Variants in NEURL4 observed in about 807,000 individuals in gnomAD.
NEURL4 encodes neuralized E3 ubiquitin protein ligase 4.
In NEURL4, 45 loss-of-function variants were observed where a neutral mutation model predicts 148.0. The observed-to-expected ratio is 0.30, with a 90% CI of 0.24 to 0.39. The LOEUF is 0.39. Among genes scored for constraint, NEURL4 ranks in the 10% least tolerant of loss-of-function variants. The probability of loss-of-function intolerance (pLI) is 1.00; values close to 1 mark genes in which losing one functional copy is unlikely to be tolerated. For synonymous variants in NEURL4, 854 were observed against 869.0 expected (o/e 0.98, Z 0.30); for missense variants, 1,776 against 2,144.0 (o/e 0.83, Z 3.39).
chr17:7,327,923 A>AC lies in NEURL4; in HGVS notation c.283-40dup, dbSNP rs1567623812. The AC allele has an allele frequency of 1.4e-6, 2 of 1,468,180 alleles. No homozygotes were observed. Among genetic ancestry groups the AC allele is most frequent in the African/African-American group, 1.4e-5 (1 of 71,378 alleles). 90.9% of individuals were successfully genotyped at this position (1,468,180 alleles called of 1,614,324 possible). On this transcript the variant is annotated intron_variant, in intron 1 of 28. Coordinates refer to ENST00000399464, the MANE Select transcript of NEURL4 (RefSeq NM_032442.3). The surrounding 1 kb of genome is among the most constrained non-coding windows in gnomAD (Gnocchi z 6.6). ...ATTGGACAGAGGCTTAGAATGGGCC[A>AC]CCCCCCATTCCACAGGCCACCATAT... is the stretch of plus-strand genomic sequence containing the variant.
At chr17:7,323,161 C>T (rs530137279) in intron 14 of NEURL4, 38 bp from the exon 15 acceptor site, 10 of 1,595,060 alleles carry the variant, frequency 6.3e-6, no homozygotes, top group Middle Eastern at 1.7e-4. Flanking sequence ...AGCCTGCCAA[C>T]TTCAACTTCA....
chr17:7,323,063 A>G lies in NEURL4; in HGVS notation c.2478T>C (p.Asp826=), dbSNP rs1296827405. ...TMRNNYGCDL[D]ALGTGARIGM... ...CAATGCGTGCACCTGTGCCCAGCGC[A>G]TCCAGGTCACACCCATAATTGTTGC... The change falls in exon 15 of 29, where the codon GAT becomes GAC. Residue 826 remains aspartate (D), a synonymous_variant. Coordinates refer to ENST00000399464, the MANE Select transcript of NEURL4 (RefSeq NM_032442.3). The G allele has an allele frequency of 6.2e-7, 1 of 1,613,676 alleles. No individual in the cohort carries two copies. The highest frequency in any genetic ancestry group is 2.2e-5 in the East Asian group (1 of 44,902).
chr17:7,323,030 C>T lies in NEURL4; in HGVS notation c.2511G>A (p.Met837Ile). 6.2e-7 allele frequency: 1 copy of T among 1,613,750 alleles called. No homozygotes were observed. The highest frequency in any genetic ancestry group is 8.5e-7 in the Non-Finnish European group (1 of 1,179,992). The change falls in exon 15 of 29, where the codon ATG (methionine) becomes ATA (isoleucine). Residue 837 changes from methionine (M) to isoleucine (I), a missense_variant. Coordinates refer to ENST00000399464, the MANE Select transcript of NEURL4 (RefSeq NM_032442.3). ...AGTGCAGGTCGCCCTTGGCAGTTCGCATCATGCCAATGCGTGCACCTGTGC... is the reference window on the plus strand; with the variant it reads ...AGTGCAGGTCGCCCTTGGCAGTTCGTATCATGCCAATGCGTGCACCTGTGC... ...ALGTGARIGM[M>I]RTAKGDLHYF...
At position 7,326,799 on chromosome 17, in the gene NEURL4, TTA is replaced by T; in HGVS notation, c.1002_1003del (p.Asn334LysfsTer4). The stretch of plus-strand genomic sequence containing the variant: ...CAGGGGCCGCCGGCGCTCAGCCGTC[TTA>T]TTATTGTTGCTGAGTTTGATGAGGG... On this transcript the variant is annotated frameshift_variant, in exon 4 of 29. Coordinates refer to ENST00000399464, the MANE Select transcript of NEURL4 (RefSeq NM_032442.3). LOFTEE classifies it high-confidence loss of function. The surrounding 1 kb of genome is among the most constrained non-coding windows in gnomAD (Gnocchi z 6.0). 1 of 1,613,374 alleles carries T rather than the reference TTA, an allele frequency of 6.2e-7. No homozygotes were observed. The highest frequency in any genetic ancestry group is 8.5e-7 in the Non-Finnish European group (1 of 1,179,858).
chr17:7,316,720 G>T (rs2072951232), intron 28 of NEURL4, among the ~76,000 whole-genome samples: 1 of 152,128 alleles, frequency 6.6e-6, no homozygotes, highest in African/African-American at 2.4e-5. Context: ...TCAGGAGATC[G>T]AGACCATCCT....
rs376244412 is a variant in NEURL4, at chr17:7,323,593, G to A, written c.2339-30C>T. 50 of 1,613,850 alleles carry A rather than the reference G, an allele frequency of 3.1e-5. 1 individual carries two copies. The highest frequency in any genetic ancestry group is 3.3e-4 in the Middle Eastern group (2 of 6,062). ...GAGGAGGCAGGGGTAAGTCAAGGCCGATCCCCAAGGCACAGACATCCAACA... is the reference window on the plus strand; with the variant it reads ...GAGGAGGCAGGGGTAAGTCAAGGCCAATCCCCAAGGCACAGACATCCAACA... On this transcript the variant is annotated intron_variant, in intron 13 of 28. Coordinates refer to ENST00000399464, the MANE Select transcript of NEURL4 (RefSeq NM_032442.3).
Position 7,320,791 on chromosome 17 carries a change from T to C in NEURL4, c.3493A>G (p.Asn1165Asp). 6.2e-7 allele frequency: 1 copy of C among 1,613,926 alleles called. No homozygotes were observed. The highest frequency in any genetic ancestry group is 8.5e-7 in the Non-Finnish European group (1 of 1,179,920). Residue 1165 changes from asparagine to aspartate, a missense_variant, in exon 21 of 29, where the codon AAC (asparagine) becomes GAC (aspartate). By Grantham distance (23) the Asn-to-Asp change is conservative (BLOSUM62 1). Transcript: ENST00000399464. ...ASYNQGIVVINQPLVPQLLVQ... is the reference protein window; with the variant it reads ...ASYNQGIVVIDQPLVPQLLVQ... ...AGCAGCTGGGGCACCAGAGGTTGGT[T>C]GATGACAACGATGCCCTGATTGTAG...
Position 7,326,498 on chromosome 17 carries a change from C to A in NEURL4, c.1143G>T (p.Gly381=). ...AACTGTTGGGGTTGTGGGTGGTGAC[C>A]CCAATCTCAATGGAGCCTGACCACT... is the stretch of plus-strand genomic sequence containing the variant. ...VDKWSGSIEI[G]VTTHNPNSLE... is the part of the protein sequence containing the mutation. Residue 381 remains glycine (G), a synonymous_variant, in exon 5 of 29, where the codon GGG becomes GGT. Coordinates refer to ENST00000399464, the MANE Select transcript of NEURL4 (RefSeq NM_032442.3). This position sits in a 1 kb window ranked among gnomAD's most constrained non-coding sequence, Gnocchi z 6.0. 6.2e-7 allele frequency: 1 copy of A among 1,614,034 alleles called. No homozygotes were observed. The highest frequency in any genetic ancestry group is 8.5e-7 in the Non-Finnish European group (1 of 1,180,028).
Position 7,324,760 on chromosome 17 carries a change from C to G in NEURL4, c.1813+39G>C, listed in dbSNP as rs1444527809. On this transcript the variant is annotated intron_variant, in intron 9 of 28. Transcript: ENST00000399464. The surrounding 1 kb of genome is among the most constrained non-coding windows in gnomAD (Gnocchi z 5.9). ...CAGGGCTTTGGGGATAGCTTCCCCC[C>G]AAAACCCTATCCTGTCCCTGCCCTT... The G allele has an allele frequency of 6.2e-7, 1 of 1,607,300 alleles. No individual in the cohort carries two copies. Among genetic ancestry groups the G allele is most frequent in the Non-Finnish European group, 8.5e-7 (1 of 1,174,374 alleles).
chr17:7,326,196 G>A lies in NEURL4; in HGVS notation c.1293+59C>T. ...AGACCCTGCTTGGTGCCCTGGCAGG[G>A]ACACAGAGTACCTGTGGCTCTGCTG... On this transcript the variant is annotated intron_variant, in intron 6 of 28. Transcript: ENST00000399464. This position sits in a 1 kb window ranked among gnomAD's most constrained non-coding sequence, Gnocchi z 6.0. 2 of 1,529,078 alleles carry A rather than the reference G, an allele frequency of 1.3e-6. No homozygotes were observed. The highest frequency in any genetic ancestry group is 1.7e-4 in the Middle Eastern group (1 of 5,862). 94.7% of individuals were successfully genotyped at this position (1,529,078 alleles called of 1,614,324 possible).
rs772945977 is a variant in NEURL4 at position 7,322,819 on chromosome 17, T to G, written c.2641A>C (p.Ile881Leu). ...TCCATGGGGCCGGTGGCATTGGTGA[T>G]GGACACTTGGACACACTGGCCATAG... ...DLYGQCVQVS[I>L]TNATGPMDNS... The change falls in exon 16 of 29, where the codon ATC becomes CTC. Residue 881 changes from isoleucine (I) to leucine (L), a missense_variant. By Grantham distance (5) the Ile-to-Leu change is conservative. Coordinates refer to ENST00000399464, the MANE Select transcript of NEURL4 (RefSeq NM_032442.3). This position sits in a 1 kb window ranked among gnomAD's most constrained non-coding sequence, Gnocchi z 5.5. The G allele has an allele frequency of 3.1e-6, 5 of 1,614,000 alleles. 1 individual carries two copies. The East Asian group carries it at 1.1e-4, about 36-fold the overall frequency.
Position 7,324,172 on chromosome 17 carries a change from C to A in NEURL4, c.1998G>T (p.Pro666=), listed in dbSNP as rs781780306. The change falls in exon 11 of 29, where the codon CCG becomes CCT. Residue 666 remains proline (P), a synonymous_variant. Coordinates refer to ENST00000399464, the MANE Select transcript of NEURL4 (RefSeq NM_032442.3). This position sits in a 1 kb window ranked among gnomAD's most constrained non-coding sequence, Gnocchi z 5.9. ...AGAGATCGACGACAGCATAGACGCCCGGGGGCACGTTCCAGGCAGCAGGGC... is the reference window on the plus strand; with the variant it reads ...AGAGATCGACGACAGCATAGACGCCAGGGGGCACGTTCCAGGCAGCAGGGC... The part of the protein sequence containing the change: ...TQGPAAWNVP[P]GVYAVVDLYG... 2.1e-5 allele frequency: 34 copies of A among 1,613,628 alleles called. No homozygotes were observed. The Middle Eastern group carries it at 3.3e-3, about 156-fold the overall frequency.
At position 7,317,239 on chromosome 17, in the gene NEURL4, A is replaced by G; in HGVS notation, c.4450T>C (p.Tyr1484His). 6.6e-7 allele frequency: 1 copy of G among 1,519,958 alleles called. No individual in the cohort carries two copies. The highest frequency in any genetic ancestry group is 8.8e-7 in the Non-Finnish European group (1 of 1,136,366). 94.2% of individuals were successfully genotyped at this position (1,519,958 alleles called of 1,614,324 possible). The change falls in exon 28 of 29, where the codon TAT (tyrosine) becomes CAT (histidine). Residue 1484 changes from tyrosine to histidine, a missense_variant. By Grantham distance (83) the Tyr-to-His change is moderately conservative. Coordinates refer to ENST00000399464, the MANE Select transcript of NEURL4 (RefSeq NM_032442.3). ...PPVLLSPSLQ[Y>H]AGAETLASKV... ...GAGGCCAGGGTCTCCGCCCCAGCAT[A>G]TTGAAGGGAGGGGGAAAGCAGCACA... is the stretch of plus-strand genomic sequence containing the variant.
chr17:7,316,104 A>T lies in NEURL4; in HGVS notation c.*19T>A. The T allele has an allele frequency of 8.0e-7, 1 of 1,257,276 alleles. No individual in the cohort carries two copies. Among genetic ancestry groups the T allele is most frequent in the Non-Finnish European group, 1.2e-6 (1 of 854,330 alleles). The allele number at this position is 1,257,276 out of a possible 1,614,324, so 77.9% of individuals were successfully genotyped here. On this transcript the variant is annotated 3_prime_UTR_variant, in exon 29 of 29. Transcript: ENST00000399464. ...GGGCCCGCGGCCCGACTGTGCTTGTAGTAGTGGTGTCTCACCCCTCATTCC... is the reference window on the plus strand; with the variant it reads ...GGGCCCGCGGCCCGACTGTGCTTGTTGTAGTGGTGTCTCACCCCTCATTCC...
At position 7,326,425 on chromosome 17, in the gene NEURL4, C is replaced by T. The variant is rs764529606; in HGVS notation, c.1204+12G>A. ...CCAGGCCTGCACCCCCGCCCCTGCC[C>T]GGGGCTGGTACCTGACTGGAGGTTG... On this transcript the variant is annotated intron_variant, in intron 5 of 28. Transcript: ENST00000399464. This position sits in a 1 kb window ranked among gnomAD's most constrained non-coding sequence, Gnocchi z 6.0. 4.5e-5 allele frequency: 72 copies of T among 1,613,518 alleles called. No homozygotes were observed. The highest frequency in any genetic ancestry group is 1.0e-4 in the Admixed American group (6 of 60,004).
At position 7,324,503 on chromosome 17, in the gene NEURL4, G is replaced by A. The variant is rs754243404; in HGVS notation, c.1814-23C>T. ...TCCCTGGGAGGACAAGGAGCAGGAG[G>A]GGACATGAGGGGAAATGCAGGGCTC... On this transcript the variant is annotated intron_variant, in intron 9 of 28. Coordinates refer to ENST00000399464, the MANE Select transcript of NEURL4 (RefSeq NM_032442.3). This position sits in a 1 kb window ranked among gnomAD's most constrained non-coding sequence, Gnocchi z 5.9. 5 of 1,601,202 alleles carry A rather than the reference G, an allele frequency of 3.1e-6. No individual in the cohort carries two copies. Among genetic ancestry groups the A allele is most frequent in the Admixed American group, 3.3e-5 (2 of 60,008 alleles).
In NEURL4 at chr17:7,319,430, G is replaced by A. The variant is rs755348916; in HGVS notation, c.3526-222C>T. On this transcript the variant is annotated intron_variant, in intron 21 of 28. Transcript: ENST00000399464. The stretch of plus-strand genomic sequence containing the variant: ...AAAAAAAGAACCGCCAGCCGGGCAT[G>A]GTGACCCACACTGTAATCCCAGCAC... Among the ~76,000 whole-genome samples, 11 of 139,530 alleles carry A rather than the reference G, an allele frequency of 7.9e-5. 1 individual carries two copies. Among genetic ancestry groups the A allele is most frequent in the Non-Finnish European group, 9.0e-5 (6 of 66,574 alleles). 91.5% of individuals were successfully genotyped at this position (139,530 alleles called of 152,430 possible). A position where few individuals can be genotyped will look rare whatever the true frequency, so the allele number is the denominator to read the frequency against.
At position 7,323,896 on chromosome 17, in the gene NEURL4, C is replaced by T. The variant is rs781101179; in HGVS notation, c.2179G>A (p.Ala727Thr). 1.2e-5 allele frequency: 20 copies of T among 1,613,772 alleles called. No individual in the cohort carries two copies. Among genetic ancestry groups the T allele is most frequent in the East Asian group, 4.5e-5 (2 of 44,902 alleles). ...GTGCGGCCCCCGTTAGTGATGACTG[C>T]GTTACTGCCGTGCAGCTGATGGAAG... ...LRFHQLHGSN[A>T]VITNGGRTAL... Residue 727 changes from alanine (A) to threonine (T), a missense_variant, in exon 12 of 29, where the codon GCA (alanine) becomes ACA (threonine). Transcript: ENST00000399464.
At position 7,323,819 on chromosome 17, in the gene NEURL4, G is replaced by A. The variant is rs2073063483; in HGVS notation, c.2256C>T (p.Ser752=). 1 of 1,614,008 alleles carries A rather than the reference G, an allele frequency of 6.2e-7. No homozygotes were observed. Among genetic ancestry groups the A allele is most frequent in the South Asian group, 1.1e-5 (1 of 91,094 alleles). The change falls in exon 12 of 29, where the codon TCC becomes TCT. Residue 752 remains serine, a synonymous_variant. Coordinates refer to ENST00000399464, the MANE Select transcript of NEURL4 (RefSeq NM_032442.3). The stretch of plus-strand genomic sequence containing the variant: ...ATGAAAGTTGAGAGACTGACCGGTT[G>A]GAGATGACGATGGCGTCATTAAACT... ...RSEFNDAIVI[S]NRALRDGELF...
Sources: gnomAD v4.1 joint callset for allele counts (sites outside exome capture counted in the v4.1 genomes callset) on GRCh38, gnomAD v4.1.1 for gene constraint, Gnocchi (gnomAD v3.1) non-coding constraint, MANE v1.5 for transcripts, NCBI Gene and HGNC (gene_info 2026-07-23, HGNC 2026-07-21) for gene names.